The following MAML3 variants were observed in gnomAD, a reference collection of about 807,000 sequenced individuals.
MAML3 encodes mastermind like transcriptional coactivator 3, also known as mastermind-like protein 3.
Under a neutral mutation model 101.9 loss-of-function variants are expected in MAML3, and 27 were observed. The observed-to-expected ratio is 0.27, with a 90% CI of 0.20 to 0.37. The LOEUF (loss-of-function observed/expected upper bound fraction) is 0.37. MAML3 is among the 10% of genes least tolerant of loss of function. The probability of loss-of-function intolerance (pLI) is 1.00; values close to 1 mark genes in which losing one functional copy is unlikely to be tolerated. For synonymous variants in MAML3, 501 were observed against 555.9 expected (o/e 0.90, Z 1.39); for missense variants, 1,316 against 1,444.9 (o/e 0.91, Z 1.45).
chr4:139,859,863 A>G (rs948028248), intron 2 of MAML3, among the ~76,000 whole-genome samples: 5 of 152,216 alleles, frequency 3.3e-5, no homozygotes, highest in Non-Finnish European at 7.3e-5. Flanking sequence ...CGACATCGAG[A>G]AGGTTTTAAA....
rs372701426 is a variant in MAML3, at chr4:139,845,885, C to T, written c.2079+43472G>A. On this transcript the variant is annotated intron_variant, in intron 2 of 4. Coordinates refer to ENST00000509479, the MANE Select transcript of MAML3 (RefSeq NM_018717.5). Reference sequence around the variant, plus strand: ...TCTGTGCAGTAGTAAAATTACAGTTCGTTAAGTAAATCTTGAGTCAGAGTA... The same window carrying T: ...TCTGTGCAGTAGTAAAATTACAGTTTGTTAAGTAAATCTTGAGTCAGAGTA... 1.4e-4 allele frequency among the ~76,000 whole-genome samples: 22 copies of T among 152,238 alleles called. 1 individual carries two copies. In the East Asian group the frequency reaches 3.5e-3, roughly 24 times the overall value.
At chr4:139,842,137 G>A (rs1731374005) in intron 2 of MAML3, among the ~76,000 whole-genome samples, 1 of 152,220 alleles carries the variant, frequency 6.6e-6, no homozygotes, top group Non-Finnish European at 1.5e-5. Flanking sequence ...AGGGCTTCCA[G>A]CCTCTGCAGG....
intron 2 of MAML3, among the ~76,000 whole-genome samples, chr4:139,801,214 C>T (rs1422236424): frequency 1.3e-5 from 2 of 152,158 alleles, no homozygotes; most frequent in Non-Finnish European, 2.9e-5. Flanking sequence ...GACATGGCCC[C>T]CAAAAAGGGC....
chr4:139,747,102 A>T (rs993165806), intron 2 of MAML3, among the ~76,000 whole-genome samples: 3 of 152,204 alleles, frequency 2.0e-5, no homozygotes, highest in African/African-American at 7.2e-5. Flanking sequence ...AAAGGGGTTG[A>T]GGATGGAGGG....
chr4:140,005,952 T>C lies in MAML3; in HGVS notation c.469-114985A>G, dbSNP rs1726435395. 2.6e-5 allele frequency among the ~76,000 whole-genome samples: 4 copies of C among 152,240 alleles called. No individual in the cohort carries two copies. The South Asian group carries it at 8.3e-4, about 32-fold the overall frequency. The stretch of plus-strand genomic sequence containing the variant: ...ATTACTGCTGTGACATAATTCAACC[T>C]CAAGACATCTTATGGGAAACATAGG... On this transcript the variant is annotated intron_variant, in intron 1 of 4. Transcript: ENST00000509479.
chr4:139,896,352 G>A (rs888787976), intron 1 of MAML3, among the ~76,000 whole-genome samples: 5 of 152,128 alleles, frequency 3.3e-5, no homozygotes, highest in Admixed American at 1.3e-4. Flanking sequence ...CTGCACCCTC[G>A]TGGAAGAATC....
intron 2 of MAML3, among the ~76,000 whole-genome samples, chr4:139,832,079 C>T (rs1731174185): frequency 7.0e-6 from 1 of 143,474 alleles, no homozygotes; most frequent in Admixed American, 7.0e-5. Flanking sequence ...AGGCGTGAGC[C>T]ATCATGCCCA....
chr4:139,934,485 C>T (rs1022176435), intron 1 of MAML3, among the ~76,000 whole-genome samples: 3 of 152,124 alleles, frequency 2.0e-5, no homozygotes, highest in African/African-American at 4.8e-5. Context: ...GCTGTGCATG[C>T]GGCGGTGATG....
At chr4:139,906,471 C>T (rs1278345289) in intron 1 of MAML3, among the ~76,000 whole-genome samples, 1 of 152,164 alleles carries the variant, frequency 6.6e-6, no homozygotes, top group Non-Finnish European at 1.5e-5. Context: ...TTTCCATAAT[C>T]CACTTGACTG....
At chr4:140,139,987 G>A (rs1180502766) in intron 1 of MAML3, among the ~76,000 whole-genome samples, 2 of 152,182 alleles carry the variant, frequency 1.3e-5, no homozygotes, top group African/African-American at 4.8e-5. Flanking sequence ...AAAAGTTGTA[G>A]GTTGAAATTT....
At chr4:139,883,142 A>G (rs1427856586) in intron 2 of MAML3, among the ~76,000 whole-genome samples, 2 of 152,230 alleles carry the variant, frequency 1.3e-5, no homozygotes, top group Non-Finnish European at 2.9e-5. Flanking sequence ...CAGCAGACCA[A>G]GAAAACTGCA....
At chr4:139,902,257 A>ACG (rs1229778995) in intron 1 of MAML3, among the ~76,000 whole-genome samples, 3 of 51,736 alleles carry the variant, frequency 5.8e-5, no homozygotes, top group Non-Finnish European at 2.1e-4. Flanking sequence ...GCACACGCAC[A>ACG]CACACGCACA....
At chr4:139,766,301 A>G (rs1251870111) in intron 2 of MAML3, among the ~76,000 whole-genome samples, 2 of 152,046 alleles carry the variant, frequency 1.3e-5, no homozygotes. Context: ...CCTCCTGAGC[A>G]GCTGGGATTA....
chr4:139,949,528 T>C (rs1733797044), intron 1 of MAML3, among the ~76,000 whole-genome samples: 1 of 152,200 alleles, frequency 6.6e-6, no homozygotes, highest in Admixed American at 6.5e-5. Context: ...ACTGAAACAG[T>C]CTGGCTTGTA....
chr4:140,143,296 G>T (rs1034545709), intron 1 of MAML3, among the ~76,000 whole-genome samples: 1 of 152,150 alleles, frequency 6.6e-6, no homozygotes, highest in African/African-American at 2.4e-5. Flanking sequence ...GCTTGTGCAC[G>T]AGTGAAATAA....
At chr4:140,070,457 C>T (rs78827808) in intron 1 of MAML3, among the ~76,000 whole-genome samples, 2,521 of 152,230 alleles carry the variant, frequency 0.017, 55 homozygotes, top group African/African-American at 0.058. Context: ...TGAAGATATT[C>T]AGAATAAAGT....
intron 1 of MAML3, among the ~76,000 whole-genome samples, chr4:140,125,543 T>C (rs780501173): frequency 2.0e-5 from 3 of 152,258 alleles, no homozygotes; most frequent in Non-Finnish European, 4.4e-5. Context: ...ATGACACATA[T>C]ATACTTACTC....
chr4:139,946,823 A>C (rs1343019973), intron 1 of MAML3, among the ~76,000 whole-genome samples: 1 of 151,926 alleles, frequency 6.6e-6, no homozygotes, highest in Non-Finnish European at 1.5e-5. Context: ...AAACTACCTT[A>C]TATCAACCCT....
intron 1 of MAML3, among the ~76,000 whole-genome samples, chr4:140,000,006 G>A (rs1336663102): frequency 6.6e-6 from 1 of 152,098 alleles, no homozygotes; most frequent in East Asian, 1.9e-4. Context: ...GTCATATGAA[G>A]AATATGATTA....
Sources: gnomAD v4.1 joint callset for allele counts (sites outside exome capture counted in the v4.1 genomes callset) on GRCh38, gnomAD v4.1.1 for gene constraint, MANE v1.5 for transcripts, NCBI Gene and HGNC (gene_info 2026-07-23, HGNC 2026-07-21) for gene names.